The following YIPF6 variants were observed in gnomAD, a reference collection of about 807,000 sequenced individuals.
YIPF6 encodes protein YIPF6.
In YIPF6, 3 loss-of-function variants were observed where a neutral mutation model predicts 16.8. That is an observed-to-expected ratio of 0.18 (90% CI 0.08 to 0.46). The LOEUF (loss-of-function observed/expected upper bound fraction) is 0.46, where lower values mean the gene tolerates loss of function less well. YIPF6 is among the 20% of genes least tolerant of loss of function. The pLI, the probability that YIPF6 is intolerant of heterozygous loss-of-function variation, is 0.98. For missense variants in YIPF6, 145 were observed against 184.9 expected (o/e 0.78, Z 1.25); for synonymous variants, 67 against 61.9 (o/e 1.08, Z -0.38).
rs147269518 is a variant in YIPF6, at chrX:68,521,162, C to T, written c.309-210C>T. Among the ~76,000 whole-genome samples, 68 of 111,439 alleles carry T rather than the reference C, an allele frequency of 6.1e-4. No homozygotes were observed. The East Asian group carries it at 0.019, about 31-fold the overall frequency. ...AACATTTCAACAAGGTCAAATGGAG[C>T]ACCCCTTGTAGTCCTGAGGCATTTG... is the stretch of plus-strand genomic sequence containing the variant. On this transcript the variant is annotated intron_variant, in intron 4 of 6. Coordinates refer to ENST00000462683, the MANE Select transcript of YIPF6 (RefSeq NM_173834.4).
At chrX:68,518,840 C>T in intron 4 of YIPF6, 28 bp downstream of exon 4, 1 of 1,160,226 alleles carries the variant, frequency 8.6e-7, no homozygotes, top group Non-Finnish European at 1.1e-6. Context: ...CTTTCTTTGT[C>T]ATTTGAGCTA....
chrX:68,503,444 C>T (rs1343594204), intron 1 of YIPF6, among the ~76,000 whole-genome samples: 1 of 111,755 alleles, frequency 8.9e-6, no homozygotes, highest in Admixed American at 9.5e-5. Flanking sequence ...GTCGCCTTTC[C>T]CGCTGAGGGC....
chrX:68,512,247 C>A lies in YIPF6; in HGVS notation c.186+270C>A, dbSNP rs1253030804. ...GGCCAAGGCAGGCGGATCACCTGAG[C>A]TCAGGAGTTCGAGACCAACCTGGCC... On this transcript the variant is annotated intron_variant, in intron 2 of 6. Transcript: ENST00000462683. Among the ~76,000 whole-genome samples the A allele has an allele frequency of 4.5e-5, 5 of 110,842 alleles. No homozygotes were observed. The East Asian group carries it at 1.4e-3, about 32-fold the overall frequency.
rs1480791268 is a variant in YIPF6, at chrX:68,518,784, C to G, written c.280C>G (p.Pro94Ala). ...TLLRDWDLWG[P>A]LILCVTLALM... ...TTGTCTTGTAGGGGATTTGTGGGGC[C>G]CTTTGATCCTTTGTGTGACACTCGC... Residue 94 changes from proline (P) to alanine (A), a missense_variant, in exon 4 of 7, where the codon CCT becomes GCT. Pro to Ala is a conservative substitution (Grantham distance 27). Coordinates refer to ENST00000462683, the MANE Select transcript of YIPF6 (RefSeq NM_173834.4). 8 of 1,174,088 alleles carry G rather than the reference C, an allele frequency of 6.8e-6. No homozygotes were observed. Among genetic ancestry groups the G allele is most frequent in the Non-Finnish European group, 9.1e-6 (8 of 881,606 alleles).
At chrX:68,507,634 G>A (rs2079064771) in intron 1 of YIPF6, among the ~76,000 whole-genome samples, 1 of 105,131 alleles carries the variant, frequency 9.5e-6, no homozygotes, top group African/African-American at 3.5e-5. Context: ...ATGGAGTCTC[G>A]CCCTGTCACT....
chrX:68,518,936 T>TCA, intron 4 of YIPF6, 124 bp downstream of exon 4: 1 of 630,009 alleles, frequency 1.6e-6, no homozygotes, highest in Non-Finnish European at 2.3e-6. Flanking sequence ...GTTGTACATG[T>TCA]TATACTCCTT....
In YIPF6 at chrX:68,531,934, G is replaced by C. The variant is rs374048254; in HGVS notation, c.646G>C (p.Val216Leu). The change falls in exon 7 of 7, where the codon GTT (valine) becomes CTT (leucine). Residue 216 changes from valine to leucine, a missense_variant. Transcript: ENST00000462683. ...GCCTCCAAACCGCAGAGCCCTAGCT[G>C]TTTATCCTGTTTTCCTGTTTTACTT... ...SQPPNRRALA[V>L]YPVFLFYFVI... 22 of 1,201,671 alleles carry C rather than the reference G, an allele frequency of 1.8e-5. No individual in the cohort carries two copies. The highest frequency in any genetic ancestry group is 2.4e-5 in the Non-Finnish European group (21 of 890,038).
intron 3 of YIPF6, among the ~76,000 whole-genome samples, chrX:68,517,520 A>G (rs940809673): frequency 4.4e-5 from 5 of 112,545 alleles, no homozygotes; most frequent in Non-Finnish European, 7.5e-5. Context: ...TGCAGTTTTC[A>G]GAAAGCTTTC....
At chrX:68,506,494 G>T (rs1052384983) in intron 1 of YIPF6, among the ~76,000 whole-genome samples, 1 of 109,752 alleles carries the variant, frequency 9.1e-6, no homozygotes, top group Admixed American at 9.9e-5. Flanking sequence ...GAGCCCAGAG[G>T]TTCGAGATCA....
chrX:68,529,771 C>T (rs953903038), intron 6 of YIPF6, among the ~76,000 whole-genome samples: 1 of 111,761 alleles, frequency 8.9e-6, no homozygotes, highest in Non-Finnish European at 1.9e-5. Context: ...GAGGTCCACT[C>T]CAGACCCTGT....
chrX:68,513,596 ATT>A, intron 3 of YIPF6, 191 bp downstream of exon 3: 1 of 274,937 alleles, frequency 3.6e-6, no homozygotes, highest in Non-Finnish European at 6.2e-6. Context: ...TTTTATTTTC[ATT>A]TTTTTTTGAG....
intron 3 of YIPF6, among the ~76,000 whole-genome samples, chrX:68,516,068 A>C (rs908291382): frequency 9.0e-6 from 1 of 111,435 alleles, no homozygotes; most frequent in African/African-American, 3.3e-5. Flanking sequence ...GGTTGCAGTG[A>C]GCCAAGATTG....
chrX:68,508,036 G>A (rs1428340775), intron 1 of YIPF6, among the ~76,000 whole-genome samples: 4 of 108,599 alleles, frequency 3.7e-5, no homozygotes, highest in Non-Finnish European at 7.6e-5. Flanking sequence ...TTGTCCTTTG[G>A]TATTCATCTT....
chrX:68,505,266 C>T (rs758126022), intron 1 of YIPF6, among the ~76,000 whole-genome samples: 6 of 111,006 alleles, frequency 5.4e-5, no homozygotes, highest in South Asian at 3.8e-4. Flanking sequence ...AAAAATTACC[C>T]GGGCATGGTG....
Position 68,522,868 on chromosome X carries a change from C to T in YIPF6, c.543C>T (p.Phe181=). 8.3e-7 allele frequency: 1 copy of T among 1,210,967 alleles called. No individual in the cohort carries two copies. The highest frequency in any genetic ancestry group is 1.1e-6 in the Non-Finnish European group (1 of 895,383). Residue 181 remains phenylalanine, a synonymous_variant, in exon 6 of 7, where the codon TTC becomes TTT. Coordinates refer to ENST00000462683, the MANE Select transcript of YIPF6 (RefSeq NM_173834.4). ...VLLADPGPVN[F]MVRLFVVIVM... ...TGGCTGATCCAGGACCTGTAAACTT[C>T]ATGGTTCGGCTTTTTGTGGTGATTG...
intron 4 of YIPF6, among the ~76,000 whole-genome samples, chrX:68,519,848 A>T (rs1302856400): frequency 1.8e-5 from 2 of 112,168 alleles, no homozygotes; most frequent in African/African-American, 3.2e-5. Context: ...ATGTTAAGGG[A>T]TGCAGCCTAA....
chrX:68,521,675 C>T lies in YIPF6; in HGVS notation c.434+178C>T, dbSNP rs150870435. Among the ~76,000 whole-genome samples, 597 of 108,460 alleles carry T rather than the reference C, an allele frequency of 5.5e-3. 3 individuals carry two copies. The highest frequency in any genetic ancestry group is 0.019 in the African/African-American group (572 of 29,675). The allele number at this position is 108,460 out of a possible 115,157, so 94.2% of individuals were successfully genotyped here. A position where few individuals can be genotyped will look rare whatever the true frequency, so the allele number is the denominator to read the frequency against. On this transcript the variant is annotated intron_variant, in intron 5 of 6. Transcript: ENST00000462683. ...TGCAGCCTCTATCTCCCAGGCTCAG[C>T]GTCCCAAGTAGCTGGGATCCTCCTG...
chrX:68,506,648 T>C (rs1409271510), intron 1 of YIPF6, among the ~76,000 whole-genome samples: 1 of 111,289 alleles, frequency 9.0e-6, no homozygotes, highest in East Asian at 2.8e-4. Context: ...TGCTGTGAGC[T>C]ATGATCATGT....
intron 3 of YIPF6, among the ~76,000 whole-genome samples, chrX:68,516,342 A>T (rs962172827): frequency 8.1e-5 from 9 of 111,372 alleles, no homozygotes; most frequent in Non-Finnish European, 1.7e-4. Flanking sequence ...TATGACTGTC[A>T]ACATACTAGG....
Sources: allele counts gnomAD v4.1 joint callset (sites outside exome capture counted in the v4.1 genomes callset), GRCh38; gene constraint gnomAD v4.1.1; transcripts MANE v1.5; gene names NCBI Gene and HGNC (gene_info 2026-07-23, HGNC 2026-07-21).